The following PRKDC variants were observed in gnomAD, a reference collection of about 807,000 sequenced individuals.
PRKDC encodes DNA-dependent protein kinase catalytic subunit.
PRKDC carries 82 observed loss-of-function variants against 486.9 expected under a neutral mutation model. The ratio of observed to expected loss-of-function variants is 0.17; its 90% confidence interval spans 0.14 to 0.20. The LOEUF is 0.20. Ranked by LOEUF, PRKDC falls within the 10% of genes least tolerant of loss-of-function variation. The pLI is 1.00. For missense variants in PRKDC, 4,504 were observed against 5,038.2 expected, an observed-to-expected ratio of 0.89 and a Z score of 3.21; for synonymous variants, 1,895 against 1,837.0, an observed-to-expected ratio of 1.03 and a Z score of -0.81.
chr8:47,910,857 AATAAG>A (rs1265557261), intron 25 of PRKDC, among the ~76,000 whole-genome samples: 2 of 152,200 alleles, frequency 1.3e-5, no homozygotes, highest in African/African-American at 2.4e-5. Context: ...TGCTGTTATG[AATAAG>A]ATGTTTATAG....
chr8:47,943,919 G>C, intron 8 of PRKDC, 36 bp from the exon 9 acceptor site: 1 of 1,572,920 alleles, frequency 6.4e-7, no homozygotes, highest in South Asian at 1.2e-5. Flanking sequence ...ATCAGTATTT[G>C]AAAGTCTGCA....
chr8:47,920,448 G>C (rs2090053493), intron 21 of PRKDC, among the ~76,000 whole-genome samples: 1 of 152,140 alleles, frequency 6.6e-6, no homozygotes, highest in African/African-American at 2.4e-5. Flanking sequence ...GGGGGGTATT[G>C]ATAAATTAGA....
rs376725765 is a variant in PRKDC at position 47,781,658 on chromosome 8, G to A, written c.11489+504C>T. On this transcript the variant is annotated intron_variant, in intron 80 of 85. Coordinates refer to ENST00000314191, the MANE Select transcript of PRKDC (RefSeq NM_006904.7). ...TAGAAAACTTGGAAAATAGAGAAAA[G>A]GATACAGAAAAATAAAAAAGCATCC... is the stretch of plus-strand genomic sequence containing the variant. Among the ~76,000 whole-genome samples, 39 of 152,246 alleles carry A rather than the reference G, an allele frequency of 2.6e-4. No homozygotes were observed. The East Asian group carries it at 4.1e-3, about 16-fold the overall frequency.
chr8:47,887,509 T>C, intron 35 of PRKDC, 38 bp downstream of exon 35: 1 of 1,494,632 alleles, frequency 6.7e-7, no homozygotes, highest in Non-Finnish European at 8.9e-7. Context: ...GTATTTCTAT[T>C]ATTAGGGGAG....
chr8:47,782,796 CCT>C lies in PRKDC; in HGVS notation c.11176-200_11176-199del. ...GCTGTGCCCGCAGAAATGTTGTATT[CCT>C]GATTATAAATACTTGCTTATGAATG... is the stretch of plus-strand genomic sequence containing the variant. On this transcript the variant is annotated intron_variant, in intron 78 of 85. Transcript: ENST00000314191. The surrounding 1 kb of genome is among the most constrained non-coding windows in gnomAD (Gnocchi z 4.9). 1 of 601,598 alleles carries C rather than the reference CCT, an allele frequency of 1.7e-6. No homozygotes were observed. The highest frequency in any genetic ancestry group is 2.9e-6 in the Non-Finnish European group (1 of 341,038). The allele number at this position is 601,598 out of a possible 1,614,324, so 37.3% of individuals were successfully genotyped here. A position where few individuals can be genotyped will look rare whatever the true frequency, so the allele number is the denominator to read the frequency against.
intron 36 of PRKDC, among the ~76,000 whole-genome samples, chr8:47,883,037 C>T (rs1351222133): frequency 1.3e-5 from 2 of 152,248 alleles, no homozygotes; most frequent in African/African-American, 4.8e-5. Flanking sequence ...GGCCGACATA[C>T]TGTATCCAGC....
chr8:47,923,962 G>T (rs2154503264), intron 21 of PRKDC, among the ~76,000 whole-genome samples: 1 of 152,226 alleles, frequency 6.6e-6, no homozygotes, highest in South Asian at 2.1e-4. Flanking sequence ...AAGTTTATAA[G>T]AACTTATTAC....
chr8:47,820,750 T>C lies in PRKDC; in HGVS notation c.9305A>G (p.Tyr3102Cys). Residue 3102 changes from tyrosine to cysteine, a missense_variant, in exon 66 of 86, where the codon TAC becomes TGC. Around this residue, in one of 6 missense-constraint regions of PRKDC, gnomAD observed 1,592 missense variants for 1,724.6 expected, o/e 0.92. Coordinates refer to ENST00000314191, the MANE Select transcript of PRKDC (RefSeq NM_006904.7). Reference sequence around the variant, plus strand: ...AAAACTCTGAATGCCATTTTGAATGTAATATTTGGCTCTGTCAACATCATC... The same window carrying C: ...AAAACTCTGAATGCCATTTTGAATGCAATATTTGGCTCTGTCAACATCATC... The part of the protein sequence containing the change: ...LQDDVDRAKY[Y>C]IQNGIQSFMQ... 1 of 1,582,938 alleles carries C rather than the reference T, an allele frequency of 6.3e-7. No individual in the cohort carries two copies. The highest frequency in any genetic ancestry group is 1.2e-5 in the South Asian group (1 of 86,452).
intron 43 of PRKDC, 90 bp downstream of exon 43, chr8:47,862,283 G>C (rs2088695624): frequency 3.5e-6 from 5 of 1,424,322 alleles, no homozygotes; most frequent in Non-Finnish European, 4.8e-6. Context: ...TTTAATATAA[G>C]ATGGTATAAA....
intron 66 of PRKDC, among the ~76,000 whole-genome samples, chr8:47,820,106 A>G (rs1241914269): frequency 6.6e-6 from 1 of 152,126 alleles, no homozygotes; most frequent in Non-Finnish European, 1.5e-5. Flanking sequence ...CCATTCCGCT[A>G]CCCCAAATAG....
intron 71 of PRKDC, among the ~76,000 whole-genome samples, 154 bp from the exon 72 acceptor site, chr8:47,799,544 G>T (rs1396619635): frequency 6.6e-6 from 1 of 152,232 alleles, no homozygotes; most frequent in South Asian, 2.1e-4. Flanking sequence ...CACCCTGGCT[G>T]TGAAGGAGCA....
chr8:47,911,910 C>T (rs2089910841), intron 25 of PRKDC, among the ~76,000 whole-genome samples: 3 of 152,056 alleles, frequency 2.0e-5, no homozygotes, highest in Admixed American at 2.0e-4. Flanking sequence ...GCTGGGATTA[C>T]AGATGCGCAC....
rs374837708 is a variant in PRKDC, at chr8:47,796,144, C to T, written c.10459-1643G>A. Among the ~76,000 whole-genome samples the T allele has an allele frequency of 2.5e-4, 38 of 152,042 alleles. No homozygotes were observed. In the South Asian group the frequency reaches 3.1e-3, roughly 12 times the overall value. ...TCCTGACCTCATGATCCGCCCACCTCGGCCTCCCAAAGTGCTGGGATTACA... is the reference window on the plus strand; with the variant it reads ...TCCTGACCTCATGATCCGCCCACCTTGGCCTCCCAAAGTGCTGGGATTACA... On this transcript the variant is annotated intron_variant, in intron 73 of 85. Coordinates refer to ENST00000314191, the MANE Select transcript of PRKDC (RefSeq NM_006904.7).
chr8:47,930,738 G>A lies in PRKDC; in HGVS notation c.1826C>T (p.Ala609Val), dbSNP rs761291525. The change falls in exon 17 of 86, where the codon GCG (alanine) becomes GTG (valine). Residue 609 changes from alanine to valine, a missense_variant. Ala to Val is a moderately conservative substitution (Grantham distance 64). Around this residue, in one of 6 missense-constraint regions of PRKDC, gnomAD observed 1,969 missense variants for 2,068.9 expected, o/e 0.95. Coordinates refer to ENST00000314191, the MANE Select transcript of PRKDC (RefSeq NM_006904.7). ...GVWMIPTSDPAANLHPAKPKD... is the reference protein window; with the variant it reads ...GVWMIPTSDPVANLHPAKPKD... ...AGGTTTAGCTGGATGCAAGTTAGCC[G>A]CTGGATCTGAAGTTGGGATCATCCA... 13 of 1,591,268 alleles carry A rather than the reference G, an allele frequency of 8.2e-6. No homozygotes were observed. Among genetic ancestry groups the A allele is most frequent in the East Asian group, 6.8e-5 (3 of 44,114 alleles).
rs763706925 is a variant in PRKDC, at chr8:47,904,971, T to G, written c.2940A>C (p.Thr980=). The G allele has an allele frequency of 4.4e-6, 7 of 1,609,158 alleles. No homozygotes were observed. Among genetic ancestry groups the G allele is most frequent in the South Asian group, 1.1e-5 (1 of 90,734 alleles). Reference sequence around the variant, plus strand: ...TAACTAGTGGCTCATACAGTTGCCTTGTCACCTGAAGAAACAATACCATTA... The same window carrying G: ...TAACTAGTGGCTCATACAGTTGCCTGGTCACCTGAAGAAACAATACCATTA... ...LRLACDVDQV[T]RQLYEPLVMQ... is the part of the protein sequence containing the mutation. The change falls in exon 26 of 86, where the codon ACA becomes ACC. Residue 980 remains threonine, a synonymous_variant. Transcript: ENST00000314191.
rs370171329 is a variant in PRKDC at position 47,955,859 on chromosome 8, T to C, written c.399+15A>G. On this transcript the variant is annotated intron_variant, in intron 4 of 85. Transcript: ENST00000314191. ...ATGTTTAATGTAAAATACGTGTACT[T>C]AGAAACATAATTACCTTAATAAGAA... The C allele has an allele frequency of 1.9e-4, 289 of 1,549,952 alleles. 1 individual carries two copies. Among genetic ancestry groups the C allele is most frequent in the African/African-American group, 9.8e-4 (71 of 72,670 alleles).
In PRKDC at chr8:47,831,882, T is replaced by C; in HGVS notation, c.8197A>G (p.Met2733Val). 4.3e-6 allele frequency: 7 copies of C among 1,613,982 alleles called. No individual in the cohort carries two copies. Among genetic ancestry groups the C allele is most frequent in the Non-Finnish European group, 5.9e-6 (7 of 1,179,864 alleles). ...AAACTGAGCTTCTCCTGGTCCCTCA[T>C]AAACCGTCTGCGCAGTCGTAGTAGG... is the stretch of plus-strand genomic sequence containing the variant. ...TDLLRLRRRF[M>V]RDQEKLSLMY... Residue 2733 changes from methionine to valine, a missense_variant, in exon 60 of 86, where the codon ATG becomes GTG. Coordinates refer to ENST00000314191, the MANE Select transcript of PRKDC (RefSeq NM_006904.7).
chr8:47,839,628 TCA>T (rs1187899183), intron 55 of PRKDC, among the ~76,000 whole-genome samples: 2 of 152,238 alleles, frequency 1.3e-5, no homozygotes. Flanking sequence ...TCTGATTTTT[TCA>T]CACACATATG....
At chr8:47,849,074 C>G in intron 54 of PRKDC, 80 bp downstream of exon 54, 2 of 1,514,894 alleles carry the variant, frequency 1.3e-6, no homozygotes, top group East Asian at 2.3e-5. Flanking sequence ...CCCACAGGTT[C>G]TTCTTGAGTT....
Sources: gnomAD v4.1 joint callset for allele counts (sites outside exome capture counted in the v4.1 genomes callset) on GRCh38, gnomAD v4.1.1 for gene constraint, gnomAD v4.1.1 regional missense constraint, Gnocchi (gnomAD v3.1) non-coding constraint, MANE v1.5 for transcripts, NCBI Gene and HGNC (gene_info 2026-07-23, HGNC 2026-07-21) for gene names.